The following TACR3 variants were observed in gnomAD, a reference collection of about 807,000 sequenced individuals.
The protein encoded by TACR3 is tachykinin receptor 3, also known as neuromedin-K receptor.
A neutral mutation model predicts 35.0 loss-of-function variants in TACR3; 34 were observed. That is an observed-to-expected ratio of 0.97 (90% CI 0.74 to 1.30). The LOEUF (loss-of-function observed/expected upper bound fraction) is 1.30. Ranked by LOEUF, TACR3 falls within the 50% of genes most tolerant of loss-of-function variation. TACR3 has a pLI of 0.00. For synonymous variants in TACR3, 233 were observed against 221.1 expected (o/e 1.05, Z -0.48); for missense variants, 558 against 591.7 (o/e 0.94, Z 0.59).
At chr4:103,712,441 A>T (rs1722990210) in intron 1 of TACR3, among the ~76,000 whole-genome samples, 1 of 152,210 alleles carries the variant, frequency 6.6e-6, no homozygotes. Context: ...CTGAAACTGG[A>T]TCCCTTCCTT....
intron 3 of TACR3, among the ~76,000 whole-genome samples, chr4:103,642,209 T>G (rs902541354): frequency 7.3e-5 from 11 of 150,988 alleles, no homozygotes; most frequent in African/African-American, 2.7e-4. Flanking sequence ...TGGATATACA[T>G]ATTTATATAT....
At chr4:103,632,803 CAGA>C (rs1725097500) in intron 3 of TACR3, among the ~76,000 whole-genome samples, 1 of 151,836 alleles carries the variant, frequency 6.6e-6, no homozygotes, top group Non-Finnish European at 1.5e-5. Flanking sequence ...TACAGAAAGG[CAGA>C]AGATCATTTT....
At chr4:103,681,966 C>G (rs1487904527) in intron 1 of TACR3, among the ~76,000 whole-genome samples, 2 of 152,028 alleles carry the variant, frequency 1.3e-5, no homozygotes. Context: ...AATTTCCAAA[C>G]TTGGAAATTA....
At chr4:103,674,853 A>G (rs1049700011) in intron 1 of TACR3, among the ~76,000 whole-genome samples, 1 of 152,142 alleles carries the variant, frequency 6.6e-6, no homozygotes, top group South Asian at 2.1e-4. Flanking sequence ...CCCGGCCTAC[A>G]TGTTTTAATT....
chr4:103,689,793 G>C (rs544983304), intron 1 of TACR3, among the ~76,000 whole-genome samples: 1 of 152,126 alleles, frequency 6.6e-6, no homozygotes, highest in African/African-American at 2.4e-5. Flanking sequence ...AATAATGACT[G>C]AAAACTCCCT....
intron 3 of TACR3, among the ~76,000 whole-genome samples, chr4:103,642,450 T>C (rs953249397): frequency 4.9e-4 from 74 of 151,890 alleles, no homozygotes; most frequent in African/African-American, 1.7e-3. Context: ...ACGTGGTATA[T>C]CCACAAGAGA....
At chr4:103,693,956 C>T (rs1367240227) in intron 1 of TACR3, among the ~76,000 whole-genome samples, 1 of 151,980 alleles carries the variant, frequency 6.6e-6, no homozygotes, top group Non-Finnish European at 1.5e-5. Flanking sequence ...AGCTAAATTC[C>T]AAATTTCGTA....
intron 1 of TACR3, among the ~76,000 whole-genome samples, chr4:103,683,862 TGAG>T (rs1481518368): frequency 2.1e-5 from 3 of 145,646 alleles, no homozygotes; most frequent in Non-Finnish European, 4.5e-5. Flanking sequence ...GAGAGAGAAA[TGAG>T]GAGAGAGAGA....
intron 3 of TACR3, among the ~76,000 whole-genome samples, chr4:103,614,043 G>T (rs1472625182): frequency 6.6e-6 from 1 of 151,988 alleles, no homozygotes; most frequent in South Asian, 2.1e-4. Flanking sequence ...TTACACACAC[G>T]GTTATAATGG....
At position 103,587,301 on chromosome 4, in the gene TACR3, C is replaced by T. The variant is rs1723787310; in HGVS notation, c.*2381G>A. 6.6e-6 allele frequency: 1 copy of T among 151,708 alleles called. No homozygotes were observed. The highest frequency in any genetic ancestry group is 1.5e-5 in the Non-Finnish European group (1 of 67,932). 9.4% of individuals were successfully genotyped at this position (151,708 alleles called of 1,614,324 possible). ...TTTAAATTTTTGAACTTAAAAAATT[C>T]TGCCTATAGGTCTCAGTTTAAGGGC... On this transcript the variant is annotated 3_prime_UTR_variant, in exon 5 of 5. Transcript: ENST00000304883.
At chr4:103,675,859 GA>G (rs752015883) in intron 1 of TACR3, among the ~76,000 whole-genome samples, 1 of 152,108 alleles carries the variant, frequency 6.6e-6, no homozygotes, top group South Asian at 2.1e-4. Flanking sequence ...GAGTGGAGGG[GA>G]GGGGGCAGAG....
At chr4:103,649,237 A>C (rs575006287) in intron 3 of TACR3, among the ~76,000 whole-genome samples, 1 of 151,930 alleles carries the variant, frequency 6.6e-6, no homozygotes, top group Non-Finnish European at 1.5e-5. Context: ...TCTGTGGGTT[A>C]TCTCTTCACT....
intron 1 of TACR3, among the ~76,000 whole-genome samples, chr4:103,704,657 C>T (rs936700668): frequency 6.6e-6 from 1 of 152,144 alleles, no homozygotes; most frequent in Non-Finnish European, 1.5e-5. Context: ...ATCCAATCAC[C>T]TCATACCTGG....
intron 1 of TACR3, among the ~76,000 whole-genome samples, chr4:103,704,609 A>G (rs1415740222): frequency 6.6e-6 from 1 of 152,196 alleles, no homozygotes; most frequent in Admixed American, 6.5e-5. Flanking sequence ...GAACTCACTC[A>G]CTATAGTAAG....
chr4:103,613,355 G>A (rs1368539193), intron 3 of TACR3, among the ~76,000 whole-genome samples: 1 of 152,124 alleles, frequency 6.6e-6, no homozygotes, highest in Non-Finnish European at 1.5e-5. Flanking sequence ...TTAAAATAAT[G>A]CTTTTAAGCA....
At chr4:103,651,462 G>A (rs1725616389) in intron 3 of TACR3, among the ~76,000 whole-genome samples, 1 of 151,852 alleles carries the variant, frequency 6.6e-6, no homozygotes, top group Admixed American at 6.6e-5. Context: ...AATGCTGCCT[G>A]GCCTGGGATT....
intron 3 of TACR3, among the ~76,000 whole-genome samples, chr4:103,615,376 C>CGTGTGTGT (rs3974469): frequency 6.3e-5 from 9 of 143,944 alleles, no homozygotes; most frequent in African/African-American, 1.9e-4. Context: ...TTCCTGCTAT[C>CGTGTGTGT]GTGTGTGTGT....
chr4:103,712,767 C>A (rs183553015), intron 1 of TACR3, among the ~76,000 whole-genome samples: 3,431 of 152,170 alleles, frequency 0.023, 136 homozygotes, highest in African/African-American at 0.077. Flanking sequence ...AGAACTCAAA[C>A]AAATTTACAA....
At chr4:103,711,242 A>C (rs939899539) in intron 1 of TACR3, among the ~76,000 whole-genome samples, 24 of 152,232 alleles carry the variant, frequency 1.6e-4, no homozygotes, top group Non-Finnish European at 5.9e-5. Context: ...AAAAATCCTC[A>C]ATAAAATACT....
Sources: gnomAD v4.1 joint callset for allele counts (sites outside exome capture counted in the v4.1 genomes callset) on GRCh38, gnomAD v4.1.1 for gene constraint, MANE v1.5 for transcripts, NCBI Gene and HGNC (gene_info 2026-07-23, HGNC 2026-07-21) for gene names.